SFMBT1: variants seen among roughly 807,000 people sequenced by gnomAD.
SFMBT1 encodes the protein scm-like with four MBT domains protein 1.
A neutral mutation model predicts 108.7 loss-of-function variants in SFMBT1; 32 were observed. The observed-to-expected ratio is 0.29, with a 90% CI of 0.22 to 0.40. The LOEUF (loss-of-function observed/expected upper bound fraction) is 0.40. Ranked by LOEUF, SFMBT1 falls within the 10% of genes least tolerant of loss-of-function variation. The pLI is 1.00. For synonymous variants in SFMBT1, 348 were observed against 369.5 expected, an observed-to-expected ratio of 0.94 and a Z score of 0.67; for missense variants, 816 against 1,059.6, an observed-to-expected ratio of 0.77 and a Z score of 3.19.
At chr3:52,988,260 A>G (rs1704998279) in intron 1 of SFMBT1, among the ~76,000 whole-genome samples, 1 of 152,236 alleles carries the variant, frequency 6.6e-6, no homozygotes, top group Non-Finnish European at 1.5e-5. Context: ...AAAGATGCCT[A>G]GACTATAGAC....
intron 1 of SFMBT1, among the ~76,000 whole-genome samples, chr3:53,040,579 A>G (rs777087637): frequency 6.6e-6 from 1 of 151,948 alleles, no homozygotes; most frequent in Non-Finnish European, 1.5e-5. Flanking sequence ...CTCTAGACTA[A>G]GCAAAAACAT....
chr3:52,930,798 A>G (rs1702832371), intron 7 of SFMBT1, 143 bp downstream of exon 7: 1 of 638,200 alleles, frequency 1.6e-6, no homozygotes, highest in Non-Finnish European at 2.8e-6. Flanking sequence ...GATGATCATC[A>G]GTCCAGCCTT....
chr3:53,013,284 A>G (rs1433656939), intron 1 of SFMBT1, among the ~76,000 whole-genome samples: 3 of 151,724 alleles, frequency 2.0e-5, no homozygotes, highest in Admixed American at 1.3e-4. Flanking sequence ...AAGGGTAATC[A>G]TTCTTCAATC....
chr3:53,004,254 TTC>T (rs765353610), intron 1 of SFMBT1, among the ~76,000 whole-genome samples: 9,974 of 69,430 alleles, frequency 0.14, 1,169 homozygotes, highest in South Asian at 0.35. Flanking sequence ...TCTTTCTTCT[TTC>T]TCTCTCTCTC....
chr3:52,982,073 C>T (rs139407138), intron 1 of SFMBT1, among the ~76,000 whole-genome samples: 1 of 152,126 alleles, frequency 6.6e-6, no homozygotes, highest in Non-Finnish European at 1.5e-5. Context: ...GAGTTCAACA[C>T]CAAAACTGGT....
chr3:53,038,104 C>CA (rs147188075), intron 1 of SFMBT1, among the ~76,000 whole-genome samples: 14 of 148,424 alleles, frequency 9.4e-5, no homozygotes, highest in South Asian at 2.1e-4. Context: ...AACTTTGTCT[C>CA]AAAAAAAAAA....
intron 1 of SFMBT1, among the ~76,000 whole-genome samples, chr3:52,978,806 C>G (rs1346945986): frequency 1.3e-5 from 2 of 151,992 alleles, no homozygotes; most frequent in Non-Finnish European, 2.9e-5. Flanking sequence ...CGAATACATA[C>G]TACAACAAGG....
At chr3:53,005,349 A>T (rs1385917127) in intron 1 of SFMBT1, among the ~76,000 whole-genome samples, 1 of 152,166 alleles carries the variant, frequency 6.6e-6, no homozygotes, top group African/African-American at 2.4e-5. Context: ...TCACTCTGTC[A>T]CCCAGGCCGA....
At chr3:52,948,825 A>ATTTTTTATTTTTTTTTTT (rs1703468897) in intron 3 of SFMBT1, among the ~76,000 whole-genome samples, 1 of 78,282 alleles carries the variant, frequency 1.3e-5, no homozygotes, top group Non-Finnish European at 2.4e-5. Context: ...CTAATTTTTA[A>ATTTTTTATTTTTTTTTTT]TTTTTTTTTT....
At chr3:53,002,272 A>AC (rs1203887400) in intron 1 of SFMBT1, among the ~76,000 whole-genome samples, 1 of 148,044 alleles carries the variant, frequency 6.8e-6, no homozygotes, top group Non-Finnish European at 1.5e-5. Flanking sequence ...GGTGGCGGGC[A>AC]CCTGTAGTCC....
Position 52,931,922 on chromosome 3 carries a change from T to C in SFMBT1, c.700+140A>G, listed in dbSNP as rs1483663865. On this transcript the variant is annotated intron_variant, in intron 6 of 20. Coordinates refer to ENST00000394752, the MANE Select transcript of SFMBT1 (RefSeq NM_016329.4). ...ATAGGCACTTAATTTAACAACTCCA[T>C]ATAAACTGTTTTGTAATAGCTCTAT... The C allele has an allele frequency of 4.1e-6, 4 of 968,554 alleles. No individual in the cohort carries two copies. The African/African-American group carries it at 6.6e-5, about 16-fold the overall frequency. The allele number at this position is 968,554 out of a possible 1,614,324, so 60.0% of individuals were successfully genotyped here.
At chr3:53,009,517 TG>T (rs1207611640) in intron 1 of SFMBT1, among the ~76,000 whole-genome samples, 1 of 152,064 alleles carries the variant, frequency 6.6e-6, no homozygotes, top group Non-Finnish European at 1.5e-5. Flanking sequence ...AATACAAGGG[TG>T]GGAGGAAATC....
intron 13 of SFMBT1, 136 bp from the exon 14 acceptor site, chr3:52,916,350 A>G: frequency 2.1e-6 from 1 of 474,360 alleles, no homozygotes; most frequent in Non-Finnish European, 3.7e-6. Context: ...TACTCCCTTG[A>G]TGATACTTTT....
Position 52,920,423 on chromosome 3 carries a change from G to C in SFMBT1, c.1372+114C>G, listed in dbSNP as rs765468513. The C allele has an allele frequency of 3.6e-4, 273 of 756,898 alleles. 1 individual carries two copies. Among genetic ancestry groups the C allele is most frequent in the Admixed American group, 2.5e-3 (93 of 36,626 alleles). The allele number at this position is 756,898 out of a possible 1,614,324, so 46.9% of individuals were successfully genotyped here. On this transcript the variant is annotated intron_variant, in intron 12 of 20. Transcript: ENST00000394752. ...ATAAATAATTTCCTATGCAGGAACA[G>C]AGAACCAGAATGTCATTTTTTTTCT...
rs542735751 is a variant in SFMBT1, at chr3:53,001,208, A to G, written c.-130-31950T>C. On this transcript the variant is annotated intron_variant, in intron 1 of 20. Transcript: ENST00000394752. ...GGTTCTACACTACATAAACAAGTACACATAAATATTAAAGTTCTTTCAGCC... is the reference window on the plus strand; with the variant it reads ...GGTTCTACACTACATAAACAAGTACGCATAAATATTAAAGTTCTTTCAGCC... Among the ~76,000 whole-genome samples, 18 of 150,462 alleles carry G rather than the reference A, an allele frequency of 1.2e-4. 1 individual carries two copies. In the South Asian group the frequency reaches 3.8e-3, roughly 32 times the overall value.
At chr3:53,038,776 C>T (rs1026131758) in intron 1 of SFMBT1, among the ~76,000 whole-genome samples, 8 of 152,158 alleles carry the variant, frequency 5.3e-5, no homozygotes, top group Admixed American at 2.6e-4. Flanking sequence ...TTTTTAAACA[C>T]GTACTAGTTT....
chr3:53,026,170 G>A (rs1349060629), intron 1 of SFMBT1, among the ~76,000 whole-genome samples: 1 of 152,104 alleles, frequency 6.6e-6, no homozygotes, highest in Non-Finnish European at 1.5e-5. Flanking sequence ...AACTGCCACA[G>A]TAATGCTTAT....
At chr3:52,976,927 A>G (rs1704538806) in intron 1 of SFMBT1, among the ~76,000 whole-genome samples, 1 of 152,268 alleles carries the variant, frequency 6.6e-6, no homozygotes, top group Non-Finnish European at 1.5e-5. Flanking sequence ...ATAGTTGAAG[A>G]CATGCAGAAA....
intron 2 of SFMBT1, among the ~76,000 whole-genome samples, chr3:52,957,895 C>CA (rs1703830778): frequency 6.6e-6 from 1 of 152,138 alleles, no homozygotes; most frequent in Admixed American, 6.5e-5. Flanking sequence ...AAGGCATAGG[C>CA]ATGAGCAAAG....
Sources: gnomAD v4.1 joint callset for allele counts (sites outside exome capture counted in the v4.1 genomes callset) on GRCh38, gnomAD v4.1.1 for gene constraint, MANE v1.5 for transcripts, NCBI Gene and HGNC (gene_info 2026-07-23, HGNC 2026-07-21) for gene names.